The following WARS2 variants were observed in gnomAD, a reference collection of about 807,000 sequenced individuals.
WARS2 encodes the protein tryptophanyl tRNA synthetase 2, mitochondrial.
Under a neutral mutation model 36.5 loss-of-function variants are expected in WARS2, and 28 were observed. The observed-to-expected ratio is 0.77, with a 90% CI of 0.57 to 1.05. The LOEUF (loss-of-function observed/expected upper bound fraction) is 1.05. Ranked by LOEUF, WARS2 falls within the 50% of genes least tolerant of loss-of-function variation. The pLI is 0.00. For synonymous variants in WARS2, 174 were observed against 178.4 expected (o/e 0.98, Z 0.20); for missense variants, 435 against 456.8 (o/e 0.95, Z 0.44).
intron 1 of WARS2, among the ~76,000 whole-genome samples, chr1:119,134,999 A>G (rs942678720): frequency 3.9e-5 from 6 of 152,208 alleles, no homozygotes; most frequent in African/African-American, 1.4e-4. Context: ...GGCAGCAGTA[A>G]GCTGTAAAAA....
intron 2 of WARS2, among the ~76,000 whole-genome samples, chr1:119,047,994 GAGACATACA>G (rs977940359): frequency 6.6e-6 from 1 of 152,170 alleles, no homozygotes; most frequent in African/African-American, 2.4e-5. Flanking sequence ...TGCATGTCCT[GAGACATACA>G]ATGTACCTCA....
intron 1 of WARS2, among the ~76,000 whole-genome samples, chr1:119,104,758 A>T (rs2101472866): frequency 7.1e-6 from 1 of 141,482 alleles, no homozygotes; most frequent in African/African-American, 2.4e-5. Flanking sequence ...AAATTGTAAG[A>T]AGAGGCCAAA....
intron 1 of WARS2, among the ~76,000 whole-genome samples, chr1:119,130,799 C>A (rs1263966611): frequency 6.6e-6 from 1 of 152,036 alleles, no homozygotes. Flanking sequence ...AGAATTAAAT[C>A]TTTATTATAA....
chr1:119,112,696 A>G (rs2101506459), intron 1 of WARS2, among the ~76,000 whole-genome samples: 1 of 152,308 alleles, frequency 6.6e-6, no homozygotes, highest in Non-Finnish European at 1.5e-5. Context: ...TCAGAAGTAG[A>G]AATAACACAG....
rs1648735933 is a variant in WARS2, at chr1:119,045,653, G to T, written c.358C>A (p.His120Asn). The T allele has an allele frequency of 6.3e-7, 1 of 1,587,920 alleles. No individual in the cohort carries two copies. The highest frequency in any genetic ancestry group is 8.6e-7 in the Non-Finnish European group (1 of 1,163,596). Residue 120 changes from histidine to asparagine, a missense_variant, in exon 3 of 6, where the codon CAC becomes AAC. By Grantham distance (68) the His-to-Asn change is moderately conservative (BLOSUM62 1). Coordinates refer to ENST00000235521, the MANE Select transcript of WARS2 (RefSeq NM_015836.4). ...ILFQQSQVSE[H>N]TQLSWILSCM... ...GAAAGGATCCAACTTAATTGTGTGT[G>T]TTCAGACACCTAAAGAAATAAAATA...
At chr1:119,093,639 G>C (rs1033194679) in intron 1 of WARS2, among the ~76,000 whole-genome samples, 1 of 151,964 alleles carries the variant, frequency 6.6e-6, no homozygotes, top group South Asian at 2.1e-4. Context: ...GACAAGGAAG[G>C]GTTCTTCCTT....
chr1:119,066,988 A>G (rs1344611155), intron 2 of WARS2, among the ~76,000 whole-genome samples: 1 of 152,226 alleles, frequency 6.6e-6, no homozygotes, highest in Middle Eastern at 3.2e-3. Context: ...CTGGAAAAAA[A>G]TCCAAATATC....
chr1:119,116,676 C>T (rs1654992330), intron 1 of WARS2, among the ~76,000 whole-genome samples: 1 of 152,132 alleles, frequency 6.6e-6, no homozygotes, highest in South Asian at 2.1e-4. Flanking sequence ...ATTTAGGGAG[C>T]TAAGTGAAAT....
chr1:119,086,899 C>A (rs1455497684), intron 1 of WARS2, among the ~76,000 whole-genome samples: 4 of 152,118 alleles, frequency 2.6e-5, no homozygotes, highest in African/African-American at 4.8e-5. Context: ...CTCCTCTCTG[C>A]ATTCACACTC....
At position 119,032,698 on chromosome 1, in the gene WARS2, TTTG is replaced by T. The variant is rs900895510; in HGVS notation, c.*210_*212del. ...ACAGCTATGCCTTCTTGATTTATTT[TTTG>T]TTGTTGTTGTTCACAGCATTTTGTT... On this transcript the variant is annotated 3_prime_UTR_variant, in exon 6 of 6. Coordinates refer to ENST00000235521, the MANE Select transcript of WARS2 (RefSeq NM_015836.4). 3.0e-5 allele frequency: 17 copies of T among 563,650 alleles called. No homozygotes were observed. The highest frequency in any genetic ancestry group is 2.3e-4 in the African/African-American group (12 of 53,000). The allele number at this position is 563,650 out of a possible 1,614,324, so 34.9% of individuals were successfully genotyped here. A position where few individuals can be genotyped will look rare whatever the true frequency, so the allele number is the denominator to read the frequency against.
At chr1:119,093,667 G>A (rs1653211925) in intron 1 of WARS2, among the ~76,000 whole-genome samples, 1 of 152,126 alleles carries the variant, frequency 6.6e-6, no homozygotes, top group African/African-American at 2.4e-5. Context: ...TAAGAAGCAT[G>A]CCCTGCCAAC....
chr1:119,126,252 T>C (rs138281437), intron 1 of WARS2, among the ~76,000 whole-genome samples: 1 of 129,232 alleles, frequency 7.7e-6, no homozygotes, highest in Non-Finnish European at 1.6e-5. Flanking sequence ...TACCCCTTAA[T>C]AGCTGAGCAG....
At chr1:119,059,065 A>G (rs1381552479) in intron 2 of WARS2, among the ~76,000 whole-genome samples, 4 of 151,408 alleles carry the variant, frequency 2.6e-5, no homozygotes, top group South Asian at 2.1e-4. Context: ...GCCAGTGATG[A>G]TGAGCATTTT....
intron 1 of WARS2, among the ~76,000 whole-genome samples, chr1:119,093,361 T>C (rs2101417689): frequency 6.6e-6 from 1 of 151,752 alleles, no homozygotes; most frequent in Non-Finnish European, 1.5e-5. Context: ...TTCCATTGCT[T>C]GGTGTAGTAG....
At chr1:119,065,677 A>G (rs1170047581) in intron 2 of WARS2, among the ~76,000 whole-genome samples, 1 of 151,802 alleles carries the variant, frequency 6.6e-6, no homozygotes, top group Non-Finnish European at 1.5e-5. Flanking sequence ...AGATACAATA[A>G]CAGCCTCACA....
chr1:119,137,323 C>A (rs1656579127), intron 1 of WARS2, among the ~76,000 whole-genome samples: 1 of 152,022 alleles, frequency 6.6e-6, no homozygotes, highest in Non-Finnish European at 1.5e-5. Flanking sequence ...AATACAGGGT[C>A]AAAAATTTTA....
chr1:119,041,350 G>A (rs906507680), intron 4 of WARS2, among the ~76,000 whole-genome samples: 3 of 152,114 alleles, frequency 2.0e-5, no homozygotes, highest in East Asian at 1.9e-4. Flanking sequence ...GGGTTTGCAC[G>A]GAAGAATTGA....
rs587611075 is a variant in WARS2, at chr1:119,092,604, C to T, written c.91-15997G>A. ...TACCTAGTCTCCTAACCTTAAGATT[C>T]ATCCCCAACTCCTTCCTTTCCCTTA... On this transcript the variant is annotated intron_variant, in intron 1 of 5. Coordinates refer to ENST00000235521, the MANE Select transcript of WARS2 (RefSeq NM_015836.4). Among the ~76,000 whole-genome samples the T allele has an allele frequency of 8.5e-5, 13 of 152,270 alleles. No homozygotes were observed. The East Asian group carries it at 1.9e-3, about 23-fold the overall frequency.
At chr1:119,085,079 T>G in intron 1 of WARS2, 1 of 752,742 alleles carries the variant, frequency 1.3e-6, no homozygotes, top group African/African-American at 1.7e-5. Flanking sequence ...GGGATTTATC[T>G]CAGCTCCTAC....
Sources: gnomAD v4.1 joint callset for allele counts (sites outside exome capture counted in the v4.1 genomes callset) on GRCh38, gnomAD v4.1.1 for gene constraint, MANE v1.5 for transcripts, NCBI Gene and HGNC (gene_info 2026-07-23, HGNC 2026-07-21) for gene names.